Variants in AGAP1 observed in about 807,000 individuals in gnomAD.
AGAP1 encodes arf-GAP with GTPase, ANK repeat and PH domain-containing protein 1.
A neutral mutation model predicts 105.3 loss-of-function variants in AGAP1; 29 were observed. The ratio of observed to expected loss-of-function variants is 0.28; its 90% CI spans 0.21 to 0.38. The LOEUF (loss-of-function observed/expected upper bound fraction) is 0.38. AGAP1 is among the 10% of genes least tolerant of loss of function. The probability of loss-of-function intolerance (pLI) is 1.00; values close to 1 mark genes in which losing one functional copy is unlikely to be tolerated. For missense variants in AGAP1, 998 were observed against 1,165.1 expected, an observed-to-expected ratio of 0.86 and a Z score of 2.09; for synonymous variants, 509 against 485.9, an observed-to-expected ratio of 1.05 and a Z score of -0.63.
chr2:235,521,572 A>T (rs1350606551), intron 1 of AGAP1, among the ~76,000 whole-genome samples: 1 of 152,108 alleles, frequency 6.6e-6, no homozygotes, highest in African/African-American at 2.4e-5. Flanking sequence ...GTAGCTTCCC[A>T]TGCACTGTTT....
intron 10 of AGAP1, among the ~76,000 whole-genome samples, chr2:235,899,816 G>A (rs2124985241): frequency 6.6e-6 from 1 of 152,280 alleles, no homozygotes; most frequent in Non-Finnish European, 1.5e-5. Flanking sequence ...TACAGGCTAG[G>A]TTTGAGCAGG....
chr2:235,686,548 T>TAC (rs1460148735), intron 1 of AGAP1, among the ~76,000 whole-genome samples: 8 of 49,240 alleles, frequency 1.6e-4, no homozygotes, highest in South Asian at 1.1e-3. Flanking sequence ...AGGAAGGAGA[T>TAC]ATATATATAC....
At chr2:235,646,996 C>T (rs1385158820) in intron 1 of AGAP1, among the ~76,000 whole-genome samples, 4 of 151,796 alleles carry the variant, frequency 2.6e-5, no homozygotes, top group African/African-American at 7.3e-5. Flanking sequence ...ATTAGCTGGG[C>T]GTGGTGGCAG....
In AGAP1 at chr2:235,691,188, G is replaced by T. The variant is rs558685579; in HGVS notation, c.164-17991G>T. Among the ~76,000 whole-genome samples, 1 of 152,284 alleles carries T rather than the reference G, an allele frequency of 6.6e-6. No individual in the cohort carries two copies. Among genetic ancestry groups the T allele is most frequent in the East Asian group, 1.9e-4 (1 of 5,164 alleles). On this transcript the variant is annotated intron_variant, in intron 1 of 17. Coordinates refer to ENST00000304032, the MANE Select transcript of AGAP1 (RefSeq NM_001037131.3). The surrounding 1 kb of genome is among the most constrained non-coding windows in gnomAD (Gnocchi z 4.4). ...TTCTGAGAGACCCCAGCCCCGAGAG[G>T]CTCTGGGCTGCTGGATGCTGGTGCC...
intron 16 of AGAP1, among the ~76,000 whole-genome samples, chr2:236,065,618 A>G (rs1427982276): frequency 3.3e-5 from 5 of 152,216 alleles, no homozygotes; most frequent in Non-Finnish European, 7.3e-5. Flanking sequence ...AACGCTTTTA[A>G]ATGTGCATAT....
At chr2:235,986,838 G>A (rs1360706970) in intron 13 of AGAP1, among the ~76,000 whole-genome samples, 1 of 152,164 alleles carries the variant, frequency 6.6e-6, no homozygotes, top group Non-Finnish European at 1.5e-5. Flanking sequence ...GATCATGGTG[G>A]ATAAGTGTTT....
chr2:235,839,528 C>T (rs969765418), intron 9 of AGAP1, among the ~76,000 whole-genome samples: 6 of 147,986 alleles, frequency 4.1e-5, no homozygotes, highest in African/African-American at 1.6e-4. Context: ...CTCAAGGCTG[C>T]AGTGAGCTAT....
At position 236,082,321 on chromosome 2, in the gene AGAP1, A is replaced by C; in HGVS notation, c.2114+33040A>C. Among the ~76,000 whole-genome samples, 1 of 152,174 alleles carries C rather than the reference A, an allele frequency of 6.6e-6. No homozygotes were observed. The highest frequency in any genetic ancestry group is 1.9e-4 in the East Asian group (1 of 5,196). On this transcript the variant is annotated intron_variant, in intron 16 of 17. Transcript: ENST00000304032. The surrounding 1 kb of genome is among the most constrained non-coding windows in gnomAD (Gnocchi z 4.2). The stretch of plus-strand genomic sequence containing the variant: ...AATCAAACCTTGGCTTTTCCACTGT[A>C]ATTTCCTCTGCCAGCTAATTTAATT...
Position 235,877,314 on chromosome 2 carries a change from A to G in AGAP1, c.1051-6031A>G, listed in dbSNP as rs1459903255. On this transcript the variant is annotated intron_variant, in intron 9 of 17. Coordinates refer to ENST00000304032, the MANE Select transcript of AGAP1 (RefSeq NM_001037131.3). This position sits in a 1 kb window ranked among gnomAD's most constrained non-coding sequence, Gnocchi z 4.3. ...TTTATTAAACATTTAAATTAATACC[A>G]TTAATTTACTGTGCATTTAATGTTA... Among the ~76,000 whole-genome samples, 2 of 152,166 alleles carry G rather than the reference A, an allele frequency of 1.3e-5. No individual in the cohort carries two copies. Among genetic ancestry groups the G allele is most frequent in the Non-Finnish European group, 2.9e-5 (2 of 68,042 alleles).
rs149870084 is a variant in AGAP1 at position 236,023,755 on chromosome 2, T to G, written c.1646-12806T>G. Among the ~76,000 whole-genome samples the G allele has an allele frequency of 4.6e-5, 7 of 152,280 alleles. No homozygotes were observed. In the East Asian group the frequency reaches 1.4e-3, roughly 29 times the overall value. ...ATCTCTGCACCGTTGCGATATCCCATTTCATTTTCATCACAGGTTGCTCAT... is the reference window on the plus strand; with the variant it reads ...ATCTCTGCACCGTTGCGATATCCCAGTTCATTTTCATCACAGGTTGCTCAT... On this transcript the variant is annotated intron_variant, in intron 13 of 17. Coordinates refer to ENST00000304032, the MANE Select transcript of AGAP1 (RefSeq NM_001037131.3).
In AGAP1 at chr2:235,777,228, T is replaced by C. The variant is rs1273001146; in HGVS notation, c.674-20531T>C. ...AAAAAATTAGCCAGGCGTGCGCCTG[T>C]AATCCCAGCTACTCGGGAGTCTGAG... On this transcript the variant is annotated intron_variant, in intron 6 of 17. Coordinates refer to ENST00000304032, the MANE Select transcript of AGAP1 (RefSeq NM_001037131.3). The surrounding 1 kb of genome is among the most constrained non-coding windows in gnomAD (Gnocchi z 5.1). Among the ~76,000 whole-genome samples, 1 of 152,152 alleles carries C rather than the reference T, an allele frequency of 6.6e-6. No homozygotes were observed. The highest frequency in any genetic ancestry group is 1.9e-4 in the East Asian group (1 of 5,174).
At position 235,582,845 on chromosome 2, in the gene AGAP1, T is replaced by C. The variant is rs1944979022; in HGVS notation, c.163+87996T>C. On this transcript the variant is annotated intron_variant, in intron 1 of 17. Coordinates refer to ENST00000304032, the MANE Select transcript of AGAP1 (RefSeq NM_001037131.3). This position sits in a 1 kb window ranked among gnomAD's most constrained non-coding sequence, Gnocchi z 4.7. Reference sequence around the variant, plus strand: ...CATTTCCTAAAGTGCTTTCTAGCACTGACCGACTCCAGGAGGCAGCACTGG... The same window carrying C: ...CATTTCCTAAAGTGCTTTCTAGCACCGACCGACTCCAGGAGGCAGCACTGG... 6.6e-6 allele frequency among the ~76,000 whole-genome samples: 1 copy of C among 152,218 alleles called. No homozygotes were observed. The highest frequency in any genetic ancestry group is 2.4e-5 in the African/African-American group (1 of 41,464).
intron 1 of AGAP1, among the ~76,000 whole-genome samples, chr2:235,500,186 G>A (rs1941501795): frequency 6.6e-6 from 1 of 152,132 alleles, no homozygotes; most frequent in African/African-American, 2.4e-5. Flanking sequence ...TTTATGTTGG[G>A]TGTAAGTGAA....
chr2:235,508,462 C>T (rs1574715413), intron 1 of AGAP1, among the ~76,000 whole-genome samples: 1 of 152,188 alleles, frequency 6.6e-6, no homozygotes, highest in East Asian at 1.9e-4. Context: ...CACATTCACG[C>T]TCGGTTTTTT....
rs2054137194 is a variant in AGAP1, at chr2:235,960,540, C to A, written c.1484-7922C>A. 6.6e-6 allele frequency among the ~76,000 whole-genome samples: 1 copy of A among 152,136 alleles called. No homozygotes were observed. Among genetic ancestry groups the A allele is most frequent in the Admixed American group, 6.5e-5 (1 of 15,272 alleles). ...AGGTGGGCGTGCGGACTCTTCCGTA[C>A]CTCACTTCTCCCTGCACCTGTGGCC... On this transcript the variant is annotated intron_variant, in intron 12 of 17. Coordinates refer to ENST00000304032, the MANE Select transcript of AGAP1 (RefSeq NM_001037131.3). This position sits in a 1 kb window ranked among gnomAD's most constrained non-coding sequence, Gnocchi z 4.9.
intron 12 of AGAP1, among the ~76,000 whole-genome samples, chr2:235,940,961 G>T (rs2053231560): frequency 6.6e-6 from 1 of 152,212 alleles, no homozygotes; most frequent in Non-Finnish European, 1.5e-5. Context: ...GGTGGCAGGG[G>T]TGGGGTGGCT....
chr2:235,537,016 T>C (rs1174996281), intron 1 of AGAP1, among the ~76,000 whole-genome samples: 2 of 152,142 alleles, frequency 1.3e-5, no homozygotes, highest in Non-Finnish European at 2.9e-5. Flanking sequence ...TCCTCCCTAG[T>C]GAGGCAGGTC....
chr2:235,996,281 C>T (rs1198031426), intron 13 of AGAP1, among the ~76,000 whole-genome samples: 2 of 152,322 alleles, frequency 1.3e-5, no homozygotes, highest in South Asian at 2.1e-4. Flanking sequence ...GGTGGAAACC[C>T]GTCCACTGCC....
chr2:235,541,054 C>G (rs142123851), intron 1 of AGAP1, among the ~76,000 whole-genome samples: 1 of 152,080 alleles, frequency 6.6e-6, no homozygotes, highest in Non-Finnish European at 1.5e-5. Flanking sequence ...GTAACTCTAG[C>G]GAATGATTTT....
Sources: gnomAD v4.1 joint callset for allele counts (sites outside exome capture counted in the v4.1 genomes callset) on GRCh38, gnomAD v4.1.1 for gene constraint, Gnocchi (gnomAD v3.1) non-coding constraint, MANE v1.5 for transcripts, NCBI Gene and HGNC (gene_info 2026-07-23, HGNC 2026-07-21) for gene names.